ARID3B: variants seen among roughly 807,000 people sequenced by gnomAD.
ARID3B encodes AT-rich interaction domain 3B.
ARID3B carries 10 observed loss-of-function variants against 51.9 expected under a neutral mutation model. The observed-to-expected ratio is 0.19, with a 90% CI of 0.12 to 0.33. The LOEUF (loss-of-function observed/expected upper bound fraction) is 0.33, where lower values mean the gene tolerates loss of function less well. Ranked by LOEUF, ARID3B falls within the 10% of genes least tolerant of loss-of-function variation. The pLI, the probability that ARID3B is intolerant of heterozygous loss-of-function variation, is 1.00. For synonymous variants in ARID3B, 205 were observed against 279.5 expected, an observed-to-expected ratio of 0.73 and a Z score of 2.66; for missense variants, 483 against 716.3, an observed-to-expected ratio of 0.67 and a Z score of 3.72.
At chr15:74,543,801 C>A in intron 1 of ARID3B, 59 bp from the exon 2 acceptor site, 1 of 1,188,566 alleles carries the variant, frequency 8.4e-7, no homozygotes, top group Non-Finnish European at 1.2e-6. Context: ...CCTTTTTATA[C>A]CTGCTTAACA....
rs1405145418 is a variant in ARID3B at position 74,544,439 on chromosome 15, T to C, written c.503T>C (p.Val168Ala). Reference protein sequence around the residue: ...TKDASKASPSVSTAGQPNWNL... With the variant: ...TKDASKASPSASTAGQPNWNL... Reference sequence around the variant, plus strand: ...GATGCTTCCAAGGCCTCACCTTCTGTCTCCACAGCAGGACAGCCGAACTGG... The same window carrying C: ...GATGCTTCCAAGGCCTCACCTTCTGCCTCCACAGCAGGACAGCCGAACTGG... Residue 168 changes from valine (V) to alanine (A), a missense_variant, in exon 2 of 9, where the codon GTC becomes GCC. Coordinates refer to ENST00000346246, the MANE Select transcript of ARID3B (RefSeq NM_006465.4). 3.2e-5 allele frequency: 51 copies of C among 1,613,930 alleles called. No individual in the cohort carries two copies. The highest frequency in any genetic ancestry group is 4.2e-5 in the Non-Finnish European group (50 of 1,180,016).
chr15:74,577,696 G>GT (rs1555440502), intron 4 of ARID3B, among the ~76,000 whole-genome samples: 20 of 150,228 alleles, frequency 1.3e-4, no homozygotes, highest in African/African-American at 4.2e-4. Flanking sequence ...TAATTTTTCT[G>GT]TTTTTTTGTG....
intron 2 of ARID3B, among the ~76,000 whole-genome samples, chr15:74,557,485 G>T (rs1025556648): frequency 6.6e-6 from 1 of 151,690 alleles, no homozygotes; most frequent in African/African-American, 2.4e-5. Flanking sequence ...TTGTACAGTT[G>T]TTCATAGCTT....
intron 2 of ARID3B, among the ~76,000 whole-genome samples, chr15:74,545,962 A>G (rs2061614116): frequency 6.6e-6 from 1 of 152,218 alleles, no homozygotes. Flanking sequence ...CCGAGCTAGC[A>G]CATGTGAAAG....
rs569365657 is a variant in ARID3B, at chr15:74,572,912, G to A, written c.603G>A (p.Glu201=). ...SDDADGGRGR[E]ISRDFAKLYE... is the part of the protein sequence containing the mutation. ...ATGCAGATGGAGGCCGGGGAAGAGAGATCTCTCGAGATTTTGCCAAGGTCT... is the reference window on the plus strand; with the variant it reads ...ATGCAGATGGAGGCCGGGGAAGAGAAATCTCTCGAGATTTTGCCAAGGTCT... Residue 201 remains glutamate, a synonymous_variant, in exon 3 of 9, where the codon GAG becomes GAA. Transcript: ENST00000346246. 2 of 1,614,218 alleles carry A rather than the reference G, an allele frequency of 1.2e-6. No homozygotes were observed. The highest frequency in any genetic ancestry group is 4.5e-5 in the East Asian group (2 of 44,888).
In ARID3B at chr15:74,578,177, T is replaced by TG. The variant is rs201243677; in HGVS notation, c.697+4973_697+4974insG. Among the ~76,000 whole-genome samples the TG allele has an allele frequency of 1.6e-3, 236 of 148,684 alleles. 1 individual carries two copies. The highest frequency in any genetic ancestry group is 4.3e-3 in the East Asian group (21 of 4,912). On this transcript the variant is annotated intron_variant, in intron 4 of 8. Coordinates refer to ENST00000346246, the MANE Select transcript of ARID3B (RefSeq NM_006465.4). ...TGGCCTGTCTTTTTTTTGTTTTTTT[T>TG]TGTTTTTTTTGTTTTAAGCAAAGTC...
intron 4 of ARID3B, chr15:74,574,264 C>T (rs2061729389): frequency 6.6e-6 from 1 of 152,548 alleles, no homozygotes; most frequent in African/African-American, 2.4e-5. Context: ...AGGAGAAGGC[C>T]TTCAGCAACC....
intron 2 of ARID3B, among the ~76,000 whole-genome samples, chr15:74,549,629 A>T (rs1265160445): frequency 6.6e-6 from 1 of 151,830 alleles, no homozygotes; most frequent in African/African-American, 2.4e-5. Context: ...AGGCTTTTTT[A>T]AAAAACTGTG....
intron 2 of ARID3B, among the ~76,000 whole-genome samples, chr15:74,556,640 A>G (rs769446983): frequency 1.3e-5 from 2 of 152,098 alleles, no homozygotes; most frequent in African/African-American, 2.4e-5. Context: ...CCGTCCCCAA[A>G]TTAGTTTTTT....
chr15:74,554,270 A>G (rs1034102012), intron 2 of ARID3B, among the ~76,000 whole-genome samples: 2 of 151,658 alleles, frequency 1.3e-5, no homozygotes, highest in Non-Finnish European at 2.9e-5. Flanking sequence ...CGGCCTCCCA[A>G]AGTGCTGAGA....
intron 2 of ARID3B, among the ~76,000 whole-genome samples, chr15:74,547,978 T>A (rs1195511019): frequency 6.6e-6 from 1 of 152,202 alleles, no homozygotes; most frequent in Non-Finnish European, 1.5e-5. Context: ...TTTCGTGGAT[T>A]CTCTTTGAAG....
At chr15:74,576,056 CT>C (rs1274595900) in intron 4 of ARID3B, among the ~76,000 whole-genome samples, 1 of 152,180 alleles carries the variant, frequency 6.6e-6, no homozygotes, top group Admixed American at 6.5e-5. Flanking sequence ...ACCACCATGC[CT>C]GGCTAACTTT....
Position 74,591,916 on chromosome 15 carries a change from A to C in ARID3B, c.1420+102A>C. 2 of 1,509,638 alleles carry C rather than the reference A, an allele frequency of 1.3e-6. No individual in the cohort carries two copies. The highest frequency in any genetic ancestry group is 2.6e-5 in the South Asian group (2 of 75,912). The allele number at this position is 1,509,638 out of a possible 1,614,324, so 93.5% of individuals were successfully genotyped here. On this transcript the variant is annotated intron_variant, in intron 7 of 8. Transcript: ENST00000346246. This position sits in a 1 kb window ranked among gnomAD's most constrained non-coding sequence, Gnocchi z 5.8. ...AGGGGTGGTGAGGCACATACTCCTGACCTGGAAGAGGCCCCTCCAGGTTCT... is the reference window on the plus strand; with the variant it reads ...AGGGGTGGTGAGGCACATACTCCTGCCCTGGAAGAGGCCCCTCCAGGTTCT...
intron 4 of ARID3B, among the ~76,000 whole-genome samples, chr15:74,578,361 G>A (rs567082069): frequency 6.8e-6 from 1 of 146,962 alleles, no homozygotes; most frequent in East Asian, 2.1e-4. Flanking sequence ...TTTTAGTAGA[G>A]ACAGGATTTC....
At position 74,591,107 on chromosome 15, in the gene ARID3B, G is replaced by A. The variant is rs1169519398; in HGVS notation, c.882-44G>A. On this transcript the variant is annotated intron_variant, in intron 5 of 8. Coordinates refer to ENST00000346246, the MANE Select transcript of ARID3B (RefSeq NM_006465.4). This position sits in a 1 kb window ranked among gnomAD's most constrained non-coding sequence, Gnocchi z 5.8. ...ACCAACCTCAACTGGGTGGTCTCTG[G>A]TGCTGTTTTGGATTATTCTCCCTGC... 1.3e-6 allele frequency: 2 copies of A among 1,548,028 alleles called. No homozygotes were observed. The highest frequency in any genetic ancestry group is 2.5e-5 in the South Asian group (2 of 80,584).
At chr15:74,559,946 T>G (rs1016547091) in intron 2 of ARID3B, among the ~76,000 whole-genome samples, 1 of 147,344 alleles carries the variant, frequency 6.8e-6, no homozygotes, top group Admixed American at 7.0e-5. Flanking sequence ...GTAACTCCAG[T>G]ACTTTGGAAG....
At chr15:74,541,875 G>A (rs1008671216) in intron 1 of ARID3B, among the ~76,000 whole-genome samples, 5 of 152,296 alleles carry the variant, frequency 3.3e-5, no homozygotes, top group Admixed American at 2.0e-4. Flanking sequence ...CCGTGTGAAG[G>A]GATGAAGAGG....
chr15:74,541,326 C>T lies in ARID3B; in HGVS notation c.-82C>T, dbSNP rs2061594325. 1 of 152,418 alleles carries T rather than the reference C, an allele frequency of 6.6e-6. No homozygotes were observed. The highest frequency in any genetic ancestry group is 2.4e-5 in the African/African-American group (1 of 41,462). 9.4% of individuals were successfully genotyped at this position (152,418 alleles called of 1,614,324 possible). A position where few individuals can be genotyped will look rare whatever the true frequency, so the allele number is the denominator to read the frequency against. On this transcript the variant is annotated 5_prime_UTR_variant, in exon 1 of 9. Coordinates refer to ENST00000346246, the MANE Select transcript of ARID3B (RefSeq NM_006465.4). Reference sequence around the variant, plus strand: ...CCGCCCGAAAACCCGGAGTGCCCCGCACAGGTAAGTGGCCCGGGTCCGGGC... The same window carrying T: ...CCGCCCGAAAACCCGGAGTGCCCCGTACAGGTAAGTGGCCCGGGTCCGGGC...
chr15:74,595,827 T>G lies in ARID3B; in HGVS notation c.*53T>G. The G allele has an allele frequency of 6.4e-7, 1 of 1,554,228 alleles. No individual in the cohort carries two copies. Among genetic ancestry groups the G allele is most frequent in the South Asian group, 1.2e-5 (1 of 82,824 alleles). On this transcript the variant is annotated 3_prime_UTR_variant, in exon 9 of 9. Transcript: ENST00000346246. ...ACTCTCCTGTCGAGAGTGAAGGAAG[T>G]TGATGCACAGAATTTACCTCATCTC...
Sources: allele counts gnomAD v4.1 joint callset (sites outside exome capture counted in the v4.1 genomes callset), GRCh38; gene constraint gnomAD v4.1.1; non-coding constraint Gnocchi (gnomAD v3.1); transcripts MANE v1.5; gene names NCBI Gene and HGNC (gene_info 2026-07-23, HGNC 2026-07-21).